The following CDH13 variants were observed in gnomAD, a reference collection of about 807,000 sequenced individuals.
CDH13 encodes cadherin-13.
In CDH13, 24 loss-of-function variants were observed where a neutral mutation model predicts 63.8. The ratio of observed to expected loss-of-function variants is 0.38; its 90% confidence interval spans 0.27 to 0.53. CDH13 has a LOEUF of 0.53. Among genes scored for constraint, CDH13 ranks in the 20% least tolerant of loss-of-function variants. The probability of loss-of-function intolerance (pLI) is 0.85; values close to 1 mark genes in which losing one functional copy is unlikely to be tolerated. For missense variants in CDH13, 1,049 were observed against 903.1 expected, an observed-to-expected ratio of 1.16 and a Z score of -2.07; for synonymous variants, 503 against 355.3, an observed-to-expected ratio of 1.42 and a Z score of -4.67.
intron 6 of CDH13, among the ~76,000 whole-genome samples, chr16:83,413,150 GTAA>G (rs747178155): frequency 2.0e-5 from 3 of 152,264 alleles, no homozygotes; most frequent in South Asian, 2.1e-4. Flanking sequence ...TAATGTTATT[GTAA>G]TACTCAAATG....
chr16:82,799,161 G>A (rs1013586377), intron 1 of CDH13, among the ~76,000 whole-genome samples: 2 of 152,154 alleles, frequency 1.3e-5, no homozygotes, highest in East Asian at 1.9e-4. Context: ...CAAAAGCACC[G>A]AGCTCTCCGC....
At chr16:83,300,578 C>T (rs776976761) in intron 5 of CDH13, among the ~76,000 whole-genome samples, 14 of 152,210 alleles carry the variant, frequency 9.2e-5, no homozygotes, top group Non-Finnish European at 1.8e-4. Context: ...ATGTGCTTGG[C>T]ACCATGCCAG....
intron 3 of CDH13, among the ~76,000 whole-genome samples, chr16:83,086,681 G>A (rs1051181820): frequency 1.3e-5 from 2 of 152,300 alleles, no homozygotes; most frequent in Admixed American, 1.3e-4. Flanking sequence ...CTTGCCAGTA[G>A]TATTTGCTCC....
chr16:83,063,039 G>A (rs1004982141), intron 3 of CDH13, among the ~76,000 whole-genome samples: 3 of 148,706 alleles, frequency 2.0e-5, no homozygotes, highest in Non-Finnish European at 4.4e-5. Context: ...TCGGCTCACT[G>A]CAACCTCTGA....
intron 1 of CDH13, among the ~76,000 whole-genome samples, chr16:82,703,478 C>G (rs550417806): frequency 6.6e-6 from 1 of 152,102 alleles, no homozygotes; most frequent in African/African-American, 2.4e-5. Context: ...CTCCCTTGCC[C>G]CTTTGGAGAT....
At chr16:83,158,640 G>A (rs1172535620) in intron 4 of CDH13, among the ~76,000 whole-genome samples, 3 of 152,228 alleles carry the variant, frequency 2.0e-5, no homozygotes, top group Non-Finnish European at 4.4e-5. Flanking sequence ...GCCACAGGCC[G>A]GGGACTGCTG....
intron 1 of CDH13, among the ~76,000 whole-genome samples, chr16:82,842,141 CATATATATATATATATAT>C (rs1170008694): frequency 0.016 from 974 of 62,316 alleles, 38 homozygotes; most frequent in African/African-American, 0.044. Flanking sequence ...TATATATACA[CATATATATATATATATAT>C]ATATACACAC....
chr16:83,232,016 A>G (rs79292900), intron 5 of CDH13, among the ~76,000 whole-genome samples: 6,974 of 151,588 alleles, frequency 0.046, 406 homozygotes, highest in African/African-American at 0.13. Context: ...GAGCTAAACA[A>G]TGAGAACACA....
intron 5 of CDH13, among the ~76,000 whole-genome samples, chr16:83,271,754 G>C (rs1268841997): frequency 6.6e-6 from 1 of 151,982 alleles, no homozygotes; most frequent in Non-Finnish European, 1.5e-5. Flanking sequence ...ATTTATTTAG[G>C]ATAATTAGAG....
intron 1 of CDH13, among the ~76,000 whole-genome samples, chr16:82,828,177 G>A (rs566107585): frequency 7.2e-5 from 11 of 152,300 alleles, no homozygotes; most frequent in African/African-American, 2.6e-4. Flanking sequence ...TTCTGGAGCT[G>A]TGTTGAGGAA....
At chr16:83,262,086 C>T (rs1000721337) in intron 5 of CDH13, among the ~76,000 whole-genome samples, 8 of 152,152 alleles carry the variant, frequency 5.3e-5, no homozygotes, top group East Asian at 3.9e-4. Flanking sequence ...GATTAATAGC[C>T]GTGGAGTTTC....
intron 3 of CDH13, among the ~76,000 whole-genome samples, chr16:83,070,882 C>G (rs546456314): frequency 7.5e-6 from 1 of 133,454 alleles, no homozygotes; most frequent in Admixed American, 7.8e-5. Flanking sequence ...TATCAATGAC[C>G]TAAACAACAG....
intron 6 of CDH13, among the ~76,000 whole-genome samples, chr16:83,413,992 T>C (rs143493540): frequency 6.6e-6 from 1 of 151,478 alleles, no homozygotes; most frequent in African/African-American, 2.4e-5. Context: ...AGACTCCATC[T>C]CAAAAAAAAC....
At chr16:83,685,703 T>C (rs986900364) in intron 10 of CDH13, among the ~76,000 whole-genome samples, 2 of 152,160 alleles carry the variant, frequency 1.3e-5, no homozygotes, top group South Asian at 2.1e-4. Context: ...CCTTGGGAAC[T>C]AAGAACCAAT....
chr16:82,635,909 C>A (rs779501098), intron 1 of CDH13, among the ~76,000 whole-genome samples: 1 of 152,086 alleles, frequency 6.6e-6, no homozygotes, highest in South Asian at 2.1e-4. Flanking sequence ...CCCCCTCTCT[C>A]TCCTGCTTGC....
chr16:83,693,131 A>C (rs1411263142), intron 10 of CDH13, among the ~76,000 whole-genome samples: 1 of 152,212 alleles, frequency 6.6e-6, no homozygotes, highest in Non-Finnish European at 1.5e-5. Context: ...CACAACTGCC[A>C]GACTAGTGCC....
rs1916299596 is a variant in CDH13, at chr16:83,031,292, C to CGCATGTATACACCATATACATGT, written c.158-710_158-709insACACCATATACATGTGCATGTAT. ...TGCGCATGTATACACCATATACATG[C>CGCATGTATACACCATATACATGT]GCATGTATCCATGCGCATGCATAGG... On this transcript the variant is annotated intron_variant, in intron 2 of 13. Coordinates refer to ENST00000567109, the MANE Select transcript of CDH13 (RefSeq NM_001257.5). 6.1e-5 allele frequency among the ~76,000 whole-genome samples: 8 copies of CGCATGTATACACCATATACATGT among 130,586 alleles called. 1 individual carries two copies. Among genetic ancestry groups the CGCATGTATACACCATATACATGT allele is most frequent in the Admixed American group, 7.3e-5 (1 of 13,682 alleles). 85.7% of individuals were successfully genotyped at this position (130,586 alleles called of 152,430 possible).
chr16:83,020,373 T>G (rs1915233904), intron 2 of CDH13, among the ~76,000 whole-genome samples: 1 of 152,158 alleles, frequency 6.6e-6, no homozygotes, highest in Non-Finnish European at 1.5e-5. Flanking sequence ...GGGAAACTCT[T>G]GGAGGAAGGG....
rs1184201821 is a variant in CDH13 at position 83,622,040 on chromosome 16, G to A, written c.1101+19446G>A. On this transcript the variant is annotated intron_variant, in intron 8 of 13. Transcript: ENST00000567109. Reference sequence around the variant, plus strand: ...ATACTAATCATTTCTTATGAGCAAAGAATAGATAAAAAAATTCATCCATAT... The same window carrying A: ...ATACTAATCATTTCTTATGAGCAAAAAATAGATAAAAAAATTCATCCATAT... Among the ~76,000 whole-genome samples the A allele has an allele frequency of 2.0e-5, 3 of 152,200 alleles. No homozygotes were observed. The East Asian group carries it at 5.8e-4, about 29-fold the overall frequency.
Sources: allele counts gnomAD v4.1 joint callset (sites outside exome capture counted in the v4.1 genomes callset), GRCh38; gene constraint gnomAD v4.1.1; transcripts MANE v1.5; gene names NCBI Gene and HGNC (gene_info 2026-07-23, HGNC 2026-07-21).